The following FPGS variants were observed in gnomAD, a reference collection of about 807,000 sequenced individuals.
FPGS encodes the protein folylpolyglutamate synthase.
A neutral mutation model predicts 66.5 loss-of-function variants in FPGS; 53 were observed. The observed-to-expected ratio is 0.80, with a 90% CI of 0.64 to 1.00. The LOEUF is 1.00. Among genes scored for constraint, FPGS ranks in the 50% least tolerant of loss-of-function variants. The pLI, the probability that FPGS is intolerant of heterozygous loss-of-function variation, is 0.00. For missense variants in FPGS, 702 were observed against 807.7 expected (o/e 0.87, Z 1.59); for synonymous variants, 348 against 350.9 (o/e 0.99, Z 0.09).
chr9:127,814,262 C>A, downstream of FPGS: 1 of 535,338 alleles, frequency 1.9e-6, no homozygotes, highest in Non-Finnish European at 2.4e-6. Flanking sequence ...TCACCATATG[C>A]CAGGCAGTGC....
At chr9:127,812,533 G>T (rs564936876) in intron 14 of FPGS, among the ~76,000 whole-genome samples, 37 of 150,890 alleles carry the variant, frequency 2.5e-4, no homozygotes, top group African/African-American at 8.8e-4. Context: ...ATGGAGTCTT[G>T]CTCTGTCGCC....
Position 127,807,274 on chromosome 9 carries a change from C to T in FPGS, c.567C>T (p.Phe189=). The T allele has an allele frequency of 6.2e-7, 1 of 1,614,182 alleles. No homozygotes were observed. The highest frequency in any genetic ancestry group is 1.1e-5 in the South Asian group (1 of 91,084). The change falls in exon 6 of 15, where the codon TTC becomes TTT. Residue 189 remains phenylalanine (F), a synonymous_variant. Transcript: ENST00000373247. This position sits in a 1 kb window ranked among gnomAD's most constrained non-coding sequence, Gnocchi z 5.8. ...TGACACTCATGGCCTTCCACGTCTT[C>T]CTCCAAGAGAAGGTGTGTGCCCTCT... ...RFLTLMAFHV[F]LQEKVDLAVV...
Position 127,807,529 on chromosome 9 carries a change from C to G in FPGS, c.641+47C>G. The G allele has an allele frequency of 1.2e-6, 2 of 1,612,652 alleles. No homozygotes were observed. The highest frequency in any genetic ancestry group is 1.7e-6 in the Non-Finnish European group (2 of 1,178,956). ...GAGGGGTGGCAGCCAGGAGCACAGC[C>G]TCACCTGCCGCCTGGTGGCTCAGGG... On this transcript the variant is annotated intron_variant, in intron 7 of 14. Transcript: ENST00000373247. The surrounding 1 kb of genome is among the most constrained non-coding windows in gnomAD (Gnocchi z 5.8).
In FPGS at chr9:127,807,292, T is replaced by C; in HGVS notation, c.579+6T>C. The C allele has an allele frequency of 1.9e-6, 3 of 1,614,090 alleles. No homozygotes were observed. The highest frequency in any genetic ancestry group is 2.5e-6 in the Non-Finnish European group (3 of 1,179,966). On this transcript the variant is annotated splice_donor_region_variant and intron_variant, in intron 6 of 14. Transcript: ENST00000373247. This position sits in a 1 kb window ranked among gnomAD's most constrained non-coding sequence, Gnocchi z 5.8. Reference sequence around the variant, plus strand: ...ACGTCTTCCTCCAAGAGAAGGTGTGTGCCCTCTCCCTAGAACCCTGCATCT... The same window carrying C: ...ACGTCTTCCTCCAAGAGAAGGTGTGCGCCCTCTCCCTAGAACCCTGCATCT...
chr9:127,807,401 T>C lies in FPGS; in HGVS notation c.580-20T>C. The C allele has an allele frequency of 1.9e-6, 3 of 1,613,530 alleles. No homozygotes were observed. The highest frequency in any genetic ancestry group is 2.5e-6 in the Non-Finnish European group (3 of 1,179,622). ...CTGGGCACCCTCATATCCCCTGCCA[T>C]GCCCTCTGGTCTTTGACAGGTGGAC... On this transcript the variant is annotated intron_variant, in intron 6 of 14. Coordinates refer to ENST00000373247, the MANE Select transcript of FPGS (RefSeq NM_004957.6). The surrounding 1 kb of genome is among the most constrained non-coding windows in gnomAD (Gnocchi z 5.8).
chr9:127,804,746 T>C, intron 4 of FPGS, 46 bp downstream of exon 4: 3 of 1,596,700 alleles, frequency 1.9e-6, no homozygotes, highest in South Asian at 2.2e-5. Flanking sequence ...CAATGGACCC[T>C]GGGGGGCTAT....
chr9:127,813,328 GT>G lies in FPGS; in HGVS notation c.1489del (p.Ser497ProfsTer70). On this transcript the variant is annotated frameshift_variant, in exon 15 of 15. Coordinates refer to ENST00000373247, the MANE Select transcript of FPGS (RefSeq NM_004957.6). LOFTEE classifies it high-confidence loss of function. ...GTGCCCCCAGCCCAGAGCCCGGTGGGTCCGCATCCCTGCTTCTGGCGCCCCA... is the reference window on the plus strand; with the variant it reads ...GTGCCCCCAGCCCAGAGCCCGGTGGGCCGCATCCCTGCTTCTGGCGCCCCA... ...WSAPSPEPGG[S>X]ASLLLAPHPP... The G allele has an allele frequency of 6.2e-7, 1 of 1,612,970 alleles. No individual in the cohort carries two copies. The highest frequency in any genetic ancestry group is 8.5e-7 in the Non-Finnish European group (1 of 1,179,868).
chr9:127,809,919 G>A (rs1282673545), intron 12 of FPGS, 85 bp downstream of exon 12: 13 of 912,496 alleles, frequency 1.4e-5, no homozygotes, highest in Non-Finnish European at 2.1e-5. Context: ...GGGTCGTGGG[G>A]AAGGGCGGGG....
In FPGS at chr9:127,813,648, C is replaced by T. The variant is rs369057750; in HGVS notation, c.*44C>T. The T allele has an allele frequency of 2.1e-5, 32 of 1,494,218 alleles. No individual in the cohort carries two copies. In the African/African-American group the frequency reaches 3.8e-4, roughly 18 times the overall value. 92.6% of individuals were successfully genotyped at this position (1,494,218 alleles called of 1,614,324 possible). ...GGTGGGAGCTTCCCACACCTGCCTGCGTTCTCCCCATGAACTTACATACTA... is the reference window on the plus strand; with the variant it reads ...GGTGGGAGCTTCCCACACCTGCCTGTGTTCTCCCCATGAACTTACATACTA... On this transcript the variant is annotated 3_prime_UTR_variant, in exon 15 of 15. Transcript: ENST00000373247.
intron 1 of FPGS, 83 bp from the exon 2 acceptor site, chr9:127,804,202 T>G: frequency 6.4e-7 from 1 of 1,552,708 alleles, no homozygotes; most frequent in Non-Finnish European, 8.7e-7. Flanking sequence ...TTGCCCTGGC[T>G]TGGCCACTGG....
intron 14 of FPGS, 84 bp downstream of exon 14, chr9:127,811,095 G>A: frequency 5.5e-6 from 4 of 723,514 alleles, no homozygotes; most frequent in East Asian, 5.6e-5. Context: ...GAGGTTTGGG[G>A]TAGGAAATAA....
chr9:127,809,931 C>A, intron 12 of FPGS, 97 bp downstream of exon 12: 1 of 389,722 alleles, frequency 2.6e-6, no homozygotes, highest in Non-Finnish European at 4.3e-6. Flanking sequence ...AGGGCGGGGG[C>A]GGGCCCATGG....
chr9:127,812,649 G>A (rs368394592), intron 14 of FPGS, among the ~76,000 whole-genome samples: 1 of 152,096 alleles, frequency 6.6e-6, no homozygotes, highest in African/African-American at 2.4e-5. Context: ...GATTATAGGC[G>A]TGTGCCACCA....
chr9:127,803,961 T>C (rs546978002), intron 1 of FPGS, among the ~76,000 whole-genome samples: 1 of 152,188 alleles, frequency 6.6e-6, no homozygotes, highest in South Asian at 2.1e-4. Context: ...ATGGACCCCA[T>C]TGGAGAGAAT....
chr9:127,812,375 G>A (rs1273975665), intron 14 of FPGS, among the ~76,000 whole-genome samples: 1 of 150,916 alleles, frequency 6.6e-6, no homozygotes, highest in African/African-American at 2.4e-5. Flanking sequence ...AGGCTGCCCA[G>A]GCTGGAGTGC....
rs780050858 is a variant in FPGS at position 127,806,992 on chromosome 9, G to C, written c.406G>C (p.Val136Leu). The part of the protein sequence containing the change: ...GFFSSPHLVQ[V>L]RERIRINGQP... ...CGGCAGCTCTCCCCACCTGGTGCAGGTTCGGGAGCGGATCCGCATCAATGG... is the reference window on the plus strand; with the variant it reads ...CGGCAGCTCTCCCCACCTGGTGCAGCTTCGGGAGCGGATCCGCATCAATGG... Residue 136 changes from valine to leucine, a missense_variant, in exon 5 of 15, where the codon GTT (valine) becomes CTT (leucine). Around this residue, in one of 3 missense-constraint regions of FPGS, gnomAD observed 240 missense variants for 348.6 expected, o/e 0.69. Coordinates refer to ENST00000373247, the MANE Select transcript of FPGS (RefSeq NM_004957.6). 6.2e-7 allele frequency: 1 copy of C among 1,614,056 alleles called. No homozygotes were observed. Among genetic ancestry groups the C allele is most frequent in the Admixed American group, 1.7e-5 (1 of 60,032 alleles).
intron 4 of FPGS, among the ~76,000 whole-genome samples, chr9:127,805,213 T>C (rs956242264): frequency 4.2e-4 from 63 of 151,714 alleles, no homozygotes; most frequent in African/African-American, 1.5e-3. Flanking sequence ...TAAAAAAAAA[T>C]TGGGGAAGGG....
chr9:127,807,564 A>C lies in FPGS; in HGVS notation c.642-22A>C. 1 of 1,612,496 alleles carries C rather than the reference A, an allele frequency of 6.2e-7. No homozygotes were observed. Among genetic ancestry groups the C allele is most frequent in the Non-Finnish European group, 8.5e-7 (1 of 1,178,798 alleles). ...GCCTGGTGGCTCAGGGCAGGGCCTCATGGCCTTTTCCTCCCCTGCAGGAAG... is the reference window on the plus strand; with the variant it reads ...GCCTGGTGGCTCAGGGCAGGGCCTCCTGGCCTTTTCCTCCCCTGCAGGAAG... On this transcript the variant is annotated intron_variant, in intron 7 of 14. Transcript: ENST00000373247. This position sits in a 1 kb window ranked among gnomAD's most constrained non-coding sequence, Gnocchi z 5.8.
intron 4 of FPGS, among the ~76,000 whole-genome samples, chr9:127,805,531 A>G (rs1215974630): frequency 2.6e-5 from 4 of 152,180 alleles, no homozygotes; most frequent in Admixed American, 6.5e-5. Flanking sequence ...TGGGAGGCCA[A>G]GGTGGGAGGA....
Sources: gnomAD v4.1 joint callset for allele counts (sites outside exome capture counted in the v4.1 genomes callset) on GRCh38, gnomAD v4.1.1 for gene constraint, gnomAD v4.1.1 regional missense constraint, Gnocchi (gnomAD v3.1) non-coding constraint, MANE v1.5 for transcripts, NCBI Gene and HGNC (gene_info 2026-07-23, HGNC 2026-07-21) for gene names.